Variants in EPHA4 observed in about 807,000 individuals in gnomAD.
The protein encoded by EPHA4 is ephrin type-A receptor 4.
Under a neutral mutation model 108.3 loss-of-function variants are expected in EPHA4, and 19 were observed. The ratio of observed to expected loss-of-function variants is 0.18; its 90% CI spans 0.12 to 0.26. The LOEUF (loss-of-function observed/expected upper bound fraction) is 0.26, where lower values mean the gene tolerates loss of function less well. EPHA4 is among the 10% of genes least tolerant of loss of function. EPHA4 has a pLI of 1.00. For missense variants in EPHA4, 917 were observed against 1,254.0 expected (o/e 0.73, Z 4.06); for synonymous variants, 449 against 455.5 (o/e 0.99, Z 0.18).
intron 4 of EPHA4, among the ~76,000 whole-genome samples, chr2:221,499,744 ATATATATATATATTTTTTTTTTT>A (rs1692424772): frequency 1.8e-5 from 1 of 56,404 alleles, no homozygotes; most frequent in African/African-American, 9.5e-5. Context: ...ATATATATAT[ATATATATATATATTTTTTTTTTT>A]TTTTTTTGAG....
At chr2:221,566,375 C>T (rs918488992) in intron 2 of EPHA4, among the ~76,000 whole-genome samples, 11 of 152,144 alleles carry the variant, frequency 7.2e-5, no homozygotes, top group African/African-American at 2.7e-4. Flanking sequence ...TATGCTTTTA[C>T]TCTCAGCTAG....
At chr2:221,567,608 G>A (rs187259744) in intron 2 of EPHA4, among the ~76,000 whole-genome samples, 1 of 152,274 alleles carries the variant, frequency 6.6e-6, no homozygotes, top group Admixed American at 6.5e-5. Context: ...ATTTCAGGTG[G>A]ATTACAAAAT....
intron 3 of EPHA4, among the ~76,000 whole-genome samples, chr2:221,560,261 A>T (rs780967447): frequency 6.6e-6 from 1 of 152,202 alleles, no homozygotes; most frequent in African/African-American, 2.4e-5. Flanking sequence ...CAGTAGAACC[A>T]TTGAAAAGAC....
rs1465974660 is a variant in EPHA4 at position 221,566,912 on chromosome 2, A to G, written c.159+1806T>C. Among the ~76,000 whole-genome samples the G allele has an allele frequency of 2.7e-4, 13 of 47,756 alleles. 1 individual carries two copies. The highest frequency in any genetic ancestry group is 4.3e-4 in the Admixed American group (2 of 4,600). The allele number at this position is 47,756 out of a possible 152,430, so 31.3% of individuals were successfully genotyped here. A position where few individuals can be genotyped will look rare whatever the true frequency, so the allele number is the denominator to read the frequency against. ...AAGGAGAAGGAGAAGGAGAAGGAGA[A>G]GGAGAAGGAGAAGGAGAAGGAGAAG... is the stretch of plus-strand genomic sequence containing the variant. On this transcript the variant is annotated intron_variant, in intron 2 of 17. Transcript: ENST00000281821.
rs369616077 is a variant in EPHA4 at position 221,562,439 on chromosome 2, T to C, written c.823+1292A>G. Among the ~76,000 whole-genome samples, 104 of 152,308 alleles carry C rather than the reference T, an allele frequency of 6.8e-4. 3 individuals carry two copies. The South Asian group carries it at 0.021, about 31-fold the overall frequency. On this transcript the variant is annotated intron_variant, in intron 3 of 17. Transcript: ENST00000281821. ...CTTCATGTTCTAACTGGATTTTCAG[T>C]CAATCAAGTGGATTGCCCCATAGTT...
At chr2:221,469,082 A>G (rs919355917) in intron 5 of EPHA4, among the ~76,000 whole-genome samples, 1 of 152,220 alleles carries the variant, frequency 6.6e-6, no homozygotes, top group African/African-American at 2.4e-5. Flanking sequence ...CAGGTCATGA[A>G]CCTGATTAGA....
At chr2:221,474,382 A>G (rs1455641600) in intron 5 of EPHA4, among the ~76,000 whole-genome samples, 1 of 150,982 alleles carries the variant, frequency 6.6e-6, no homozygotes, top group Non-Finnish European at 1.5e-5. Context: ...TGGAAATGAA[A>G]TTCTTCTCAG....
At chr2:221,505,571 G>A (rs1336339320) in intron 3 of EPHA4, among the ~76,000 whole-genome samples, 37 of 152,086 alleles carry the variant, frequency 2.4e-4, no homozygotes, top group Non-Finnish European at 4.4e-4. Flanking sequence ...TGATCCGCCC[G>A]CCTCGGCCTC....
chr2:221,570,837 T>C (rs1337145107), intron 1 of EPHA4, among the ~76,000 whole-genome samples: 2 of 150,898 alleles, frequency 1.3e-5, no homozygotes, highest in Non-Finnish European at 3.0e-5. Flanking sequence ...GATATATGGA[T>C]GGATGCATTA....
chr2:221,572,060 G>A (rs779215676), intron 1 of EPHA4, 98 bp downstream of exon 1: 70 of 1,002,146 alleles, frequency 7.0e-5, no homozygotes, highest in Non-Finnish European at 1.0e-4. Context: ...ATTCACACTG[G>A]GCTCCCCCCG....
chr2:221,447,125 G>A (rs1292101669), intron 8 of EPHA4, among the ~76,000 whole-genome samples: 1 of 152,150 alleles, frequency 6.6e-6, no homozygotes, highest in African/African-American at 2.4e-5. Flanking sequence ...AAAGGAATCA[G>A]AAAGTCAACT....
chr2:221,476,964 A>G (rs1691670557), intron 5 of EPHA4, among the ~76,000 whole-genome samples: 1 of 152,182 alleles, frequency 6.6e-6, no homozygotes, highest in Non-Finnish European at 1.5e-5. Flanking sequence ...CTGTAAATAA[A>G]TGTTAATCAA....
At position 221,570,315 on chromosome 2, in the gene EPHA4, T is replaced by TCC. The variant is rs71050344; in HGVS notation, c.92-1532_92-1531dup. 3.4e-5 allele frequency among the ~76,000 whole-genome samples: 5 copies of TCC among 147,320 alleles called. No homozygotes were observed. The East Asian group carries it at 6.3e-4, about 19-fold the overall frequency. On this transcript the variant is annotated intron_variant, in intron 1 of 17. Transcript: ENST00000281821. ...TTTGTCTTGGGCTCCCAAGTTTTTC[T>TCC]CCCCCCCCCCCAAAAAAAGAGGGGG...
At chr2:221,550,418 GGAGAGAGA>G (rs71406572) in intron 3 of EPHA4, among the ~76,000 whole-genome samples, 240 of 135,594 alleles carry the variant, frequency 1.8e-3, no homozygotes, top group African/African-American at 5.0e-3. Flanking sequence ...TGAGGAAAGG[GGAGAGAGA>G]GAGAGAGAGA....
intron 3 of EPHA4, among the ~76,000 whole-genome samples, chr2:221,542,402 A>C (rs1313315844): frequency 1.3e-5 from 2 of 152,214 alleles, no homozygotes; most frequent in Non-Finnish European, 2.9e-5. Context: ...TCAAGGTCAC[A>C]GAAACAATTG....
At chr2:221,488,722 T>C (rs534550256) in intron 4 of EPHA4, among the ~76,000 whole-genome samples, 1 of 152,230 alleles carries the variant, frequency 6.6e-6, no homozygotes, top group East Asian at 1.9e-4. Flanking sequence ...AAATATCACA[T>C]CATATCATGT....
In EPHA4 at chr2:221,455,645, G is replaced by A. The variant is rs1226058250; in HGVS notation, c.1617C>T (p.Ile539=). 3 of 1,613,322 alleles carry A rather than the reference G, an allele frequency of 1.9e-6. No homozygotes were observed. Among genetic ancestry groups the A allele is most frequent in the South Asian group, 2.2e-5 (2 of 91,050 alleles). The part of the protein sequence containing the change: ...EVTTNTVPSR[I]IGDGANSTVL... ...CTGTGGAGTTAGCCCCATCTCCAAT[G>A]ATCCGGGAAGGCACTGGGAATGACA... The change falls in exon 8 of 18, where the codon ATC becomes ATT. Residue 539 remains isoleucine, a synonymous_variant. Transcript: ENST00000281821.
Position 221,504,570 on chromosome 2 carries a change from T to C in EPHA4, c.824-3398A>G, listed in dbSNP as rs961128776. 3.4e-4 allele frequency among the ~76,000 whole-genome samples: 51 copies of C among 151,734 alleles called. 2 individuals are homozygous for C. The East Asian group carries it at 8.1e-3, about 24-fold the overall frequency. On this transcript the variant is annotated intron_variant, in intron 3 of 17. Coordinates refer to ENST00000281821, the MANE Select transcript of EPHA4 (RefSeq NM_004438.5). Reference sequence around the variant, plus strand: ...ATATATATATATATATATATGGCTATGTCATTTTTCTGCTTTTTAAGAAAT... The same window carrying C: ...ATATATATATATATATATATGGCTACGTCATTTTTCTGCTTTTTAAGAAAT...
intron 4 of EPHA4, among the ~76,000 whole-genome samples, chr2:221,483,500 TTGTGTG>T (rs58143142): frequency 4.3e-4 from 62 of 143,798 alleles, no homozygotes; most frequent in Admixed American, 1.2e-3. Context: ...TGATGTAGAT[TTGTGTG>T]TGTGTGTGTG....
Sources: allele counts gnomAD v4.1 joint callset (sites outside exome capture counted in the v4.1 genomes callset), GRCh38; gene constraint gnomAD v4.1.1; transcripts MANE v1.5; gene names NCBI Gene and HGNC (gene_info 2026-07-23, HGNC 2026-07-21).